C1GALT1: variants seen among roughly 807,000 people sequenced by gnomAD.
C1GALT1 encodes the protein core 1 synthase, glycoprotein-N-acetylgalactosamine 3-beta-galactosyltransferase 1.
In C1GALT1, 11 loss-of-function variants were observed where a neutral mutation model predicts 31.0. The observed-to-expected ratio is 0.36, with a 90% CI of 0.22 to 0.59. C1GALT1 has a LOEUF of 0.59. C1GALT1 is among the 20% of genes least tolerant of loss of function. The probability of loss-of-function intolerance (pLI) is 0.79; values close to 1 mark genes in which losing one functional copy is unlikely to be tolerated. For missense variants in C1GALT1, 424 were observed against 425.2 expected, an observed-to-expected ratio of 1.00 and a Z score of 0.03; for synonymous variants, 175 against 143.6, an observed-to-expected ratio of 1.22 and a Z score of -1.56.
At chr7:7,218,089 C>T (rs370531250) in intron 1 of C1GALT1, among the ~76,000 whole-genome samples, 3 of 152,068 alleles carry the variant, frequency 2.0e-5, no homozygotes, top group South Asian at 2.1e-4. Flanking sequence ...ATAGTTTGGC[C>T]GTGGGAGTTA....
chr7:7,237,665 G>T (rs150026623), intron 2 of C1GALT1, among the ~76,000 whole-genome samples: 26 of 152,290 alleles, frequency 1.7e-4, no homozygotes, highest in Admixed American at 1.6e-3. Flanking sequence ...CTCAACTCCT[G>T]TGCTTTGACC....
At chr7:7,196,160 C>G (rs560464224) in intron 1 of C1GALT1, among the ~76,000 whole-genome samples, 47 of 152,136 alleles carry the variant, frequency 3.1e-4, no homozygotes, top group African/African-American at 9.6e-4. Context: ...GTGTGCTGCA[C>G]CTGTTAACTC....
At chr7:7,222,436 G>C (rs2128243005) in intron 1 of C1GALT1, among the ~76,000 whole-genome samples, 1 of 152,250 alleles carries the variant, frequency 6.6e-6, no homozygotes, top group Admixed American at 6.5e-5. Context: ...TTGTCTATTA[G>C]GTTGTGTATC....
intron 1 of C1GALT1, among the ~76,000 whole-genome samples, chr7:7,228,239 C>G (rs1782891812): frequency 6.6e-6 from 1 of 152,004 alleles, no homozygotes; most frequent in African/African-American, 2.4e-5. Context: ...CTTCTAAATC[C>G]TTTTTTAACA....
Position 7,228,380 on chromosome 7 carries a change from G to A in C1GALT1, c.-17-5923G>A, listed in dbSNP as rs548237990. ...CTGTACTTTTAAAATATCCTCAAGC[G>A]ATTCTGATTACACATCAGGTTTGGA... On this transcript the variant is annotated intron_variant, in intron 1 of 3. Transcript: ENST00000436587. Among the ~76,000 whole-genome samples the A allele has an allele frequency of 3.9e-5, 6 of 152,218 alleles. No individual in the cohort carries two copies. The South Asian group carries it at 6.2e-4, about 16-fold the overall frequency.
chr7:7,219,745 T>G (rs1782421615), intron 1 of C1GALT1, among the ~76,000 whole-genome samples: 1 of 152,168 alleles, frequency 6.6e-6, no homozygotes, highest in South Asian at 2.1e-4. Flanking sequence ...TTAAGTATTT[T>G]GGTTTATTTT....
chr7:7,229,392 C>T (rs1782958690), intron 1 of C1GALT1, among the ~76,000 whole-genome samples: 1 of 152,128 alleles, frequency 6.6e-6, no homozygotes, highest in Non-Finnish European at 1.5e-5. Flanking sequence ...CAATCGTATT[C>T]TGCTTGTCTT....
intron 1 of C1GALT1, among the ~76,000 whole-genome samples, chr7:7,226,036 C>T (rs1374766738): frequency 6.6e-6 from 1 of 152,066 alleles, no homozygotes; most frequent in African/African-American, 2.4e-5. Flanking sequence ...CTGTCTCATA[C>T]TCAGTTTCTT....
intron 1 of C1GALT1, among the ~76,000 whole-genome samples, chr7:7,185,900 A>G (rs897631802): frequency 6.6e-6 from 1 of 152,214 alleles, no homozygotes; most frequent in African/African-American, 2.4e-5. Flanking sequence ...ACAGGATGGG[A>G]CACTTACATT....
chr7:7,190,456 T>C (rs191782622), intron 1 of C1GALT1, among the ~76,000 whole-genome samples: 1 of 152,276 alleles, frequency 6.6e-6, no homozygotes, highest in Non-Finnish European at 1.5e-5. Flanking sequence ...TTATAAAATT[T>C]CAAATAACAT....
At position 7,244,319 on chromosome 7, in the gene C1GALT1, A is replaced by C. The variant is rs1171619513; in HGVS notation, c.*592A>C. On this transcript the variant is annotated 3_prime_UTR_variant, in exon 4 of 4. Coordinates refer to ENST00000436587, the MANE Select transcript of C1GALT1 (RefSeq NM_020156.5). The stretch of plus-strand genomic sequence containing the variant: ...TAAAATAAGACTGGCACTTACCCTG[A>C]AGTGCATTAATAAAACCACACTTTA... The C allele has an allele frequency of 6.6e-6, 1 of 152,138 alleles. No individual in the cohort carries two copies. The highest frequency in any genetic ancestry group is 1.5e-5 in the Non-Finnish European group (1 of 67,984). The allele number at this position is 152,138 out of a possible 1,614,324, so 9.4% of individuals were successfully genotyped here.
chr7:7,168,559 T>TA (rs1204704357), intron 2 of C1GALT1, among the ~76,000 whole-genome samples: 1 of 152,238 alleles, frequency 6.6e-6, no homozygotes, highest in Non-Finnish European at 1.5e-5. Context: ...AATCTTCTCC[T>TA]ATTTTTCCTG....
intron 3 of C1GALT1, among the ~76,000 whole-genome samples, chr7:7,242,918 A>G (rs7790522): frequency 0.3 from 46,159 of 151,940 alleles, 7,770 homozygotes; most frequent in East Asian, 0.71. Flanking sequence ...ACCTTTTACA[A>G]ATGTGGAAAT....
At chr7:7,214,482 T>G (rs1782140296) in intron 1 of C1GALT1, among the ~76,000 whole-genome samples, 1 of 152,224 alleles carries the variant, frequency 6.6e-6, no homozygotes, top group Non-Finnish European at 1.5e-5. Context: ...TATCCACTTT[T>G]AATTAAGCTG....
intron 1 of C1GALT1, among the ~76,000 whole-genome samples, chr7:7,191,715 T>C (rs192982101): frequency 1.2e-3 from 177 of 152,280 alleles, no homozygotes; most frequent in African/African-American, 4.0e-3. Flanking sequence ...TGATTTGTTT[T>C]GCTAATGATT....
At chr7:7,191,243 G>A (rs1026057480) in intron 1 of C1GALT1, among the ~76,000 whole-genome samples, 3 of 151,986 alleles carry the variant, frequency 2.0e-5, no homozygotes, top group African/African-American at 7.3e-5. Context: ...TGCATTATTT[G>A]TCCTTTTGTG....
intron 1 of C1GALT1, among the ~76,000 whole-genome samples, chr7:7,219,759 C>G (rs1017302196): frequency 1.3e-5 from 2 of 151,912 alleles, no homozygotes; most frequent in African/African-American, 2.4e-5. Context: ...TTATTTTCTT[C>G]TAGTCTTTTT....
intron 1 of C1GALT1, among the ~76,000 whole-genome samples, chr7:7,184,994 G>A (rs940763166): frequency 1.3e-5 from 2 of 152,144 alleles, no homozygotes; most frequent in African/African-American, 4.8e-5. Context: ...TGGTTAGAGA[G>A]GAACTCCAAT....
At chr7:7,225,711 A>G (rs1782728364) in intron 1 of C1GALT1, among the ~76,000 whole-genome samples, 1 of 152,238 alleles carries the variant, frequency 6.6e-6, no homozygotes, top group Non-Finnish European at 1.5e-5. Flanking sequence ...GTCTGAAACC[A>G]GTTCCAATCT....
Sources: allele counts gnomAD v4.1 joint callset (sites outside exome capture counted in the v4.1 genomes callset), GRCh38; gene constraint gnomAD v4.1.1; transcripts MANE v1.5; gene names NCBI Gene and HGNC (gene_info 2026-07-23, HGNC 2026-07-21).